Variants in HSPB8 observed in about 807,000 individuals in gnomAD.
HSPB8 encodes heat shock protein family B (small) member 8.
In HSPB8, 9 loss-of-function variants were observed where a neutral mutation model predicts 16.5. The observed-to-expected ratio is 0.55, with a 90% CI of 0.33 to 0.95. The LOEUF is 0.95. Ranked by LOEUF, HSPB8 falls within the 40% of genes least tolerant of loss-of-function variation. The probability of loss-of-function intolerance (pLI) is 0.03; values close to 1 mark genes in which losing one functional copy is unlikely to be tolerated. For missense variants in HSPB8, 238 were observed against 251.2 expected (o/e 0.95, Z 0.35); for synonymous variants, 99 against 94.8 (o/e 1.04, Z -0.26).
chr12:119,179,548 T>G lies in HSPB8; in HGVS notation c.236T>G (p.Phe79Cys), dbSNP rs1592927481. ...VPRGPTATAR[F>C]GVPAEGRTPP... ...CGGGGCCCCACTGCCACCGCCAGGT[T>G]TGGGGTGCCTGCCGAGGGCAGGACC... The change falls in exon 1 of 3, where the codon TTT becomes TGT. Residue 79 changes from phenylalanine (F) to cysteine (C), a missense_variant. Transcript: ENST00000281938. 1 of 1,613,590 alleles carries G rather than the reference T, an allele frequency of 6.2e-7. No individual in the cohort carries two copies. The highest frequency in any genetic ancestry group is 2.2e-5 in the East Asian group (1 of 44,860).
chr12:119,187,636 G>A (rs930166550), intron 2 of HSPB8, among the ~76,000 whole-genome samples: 30 of 152,212 alleles, frequency 2.0e-4, no homozygotes, highest in African/African-American at 7.2e-4. Flanking sequence ...GGGATTAGAG[G>A]CTTGAGCCAC....
intron 2 of HSPB8, among the ~76,000 whole-genome samples, chr12:119,188,643 T>C (rs1283254463): frequency 6.6e-6 from 1 of 152,154 alleles, no homozygotes; most frequent in Non-Finnish European, 1.5e-5. Flanking sequence ...ACAGGGAAAC[T>C]AAGTCTCCCA....
At chr12:119,193,623 T>A in intron 2 of HSPB8, 76 bp from the exon 3 acceptor site, 1 of 1,510,528 alleles carries the variant, frequency 6.6e-7, no homozygotes, top group Non-Finnish European at 9.2e-7. Context: ...TCAAAAATAT[T>A]TCCTCTCAAG....
At position 119,194,274 on chromosome 12, in the gene HSPB8, C is replaced by T; in HGVS notation, c.*416C>T. The T allele has an allele frequency of 3.5e-6, 1 of 283,674 alleles. No homozygotes were observed. The highest frequency in any genetic ancestry group is 3.8e-5 in the South Asian group (1 of 26,234). 17.6% of individuals were successfully genotyped at this position (283,674 alleles called of 1,614,324 possible). A position where few individuals can be genotyped will look rare whatever the true frequency, so the allele number is the denominator to read the frequency against. The stretch of plus-strand genomic sequence containing the variant: ...CGATTCCCATGGCTCCCAAACCATG[C>T]CGCATGGTTTGGTTAATGAAACCCA... On this transcript the variant is annotated 3_prime_UTR_variant, in exon 3 of 3. Transcript: ENST00000281938.
intron 1 of HSPB8, 109 bp from the exon 2 acceptor site, chr12:119,186,916 A>C: frequency 7.9e-6 from 8 of 1,009,394 alleles, no homozygotes; most frequent in Non-Finnish European, 1.3e-5. Flanking sequence ...GGGTAGGCCT[A>C]AGTCACACAG....
intron 1 of HSPB8, among the ~76,000 whole-genome samples, chr12:119,180,198 A>C (rs1954628048): frequency 6.6e-6 from 1 of 152,194 alleles, no homozygotes; most frequent in African/African-American, 2.4e-5. Context: ...TCTGAGTGCT[A>C]ACTATTCGCT....
intron 1 of HSPB8, among the ~76,000 whole-genome samples, chr12:119,184,868 A>G (rs548233549): frequency 6.6e-6 from 1 of 152,322 alleles, no homozygotes; most frequent in East Asian, 1.9e-4. Flanking sequence ...GTATTCCTCA[A>G]TAGAACACTG....
chr12:119,179,694 G>A lies in HSPB8; in HGVS notation c.367+15G>A, dbSNP rs1954624775. 1.3e-6 allele frequency: 2 copies of A among 1,560,838 alleles called. No homozygotes were observed. The highest frequency in any genetic ancestry group is 1.7e-6 in the Non-Finnish European group (2 of 1,157,730). ...GGAGGTGTCTGGTAAGTCAGGGGCA[G>A]GAGGGAGAGAGAATGGGGAGGCCGG... On this transcript the variant is annotated intron_variant, in intron 1 of 2. Coordinates refer to ENST00000281938, the MANE Select transcript of HSPB8 (RefSeq NM_014365.3).
At chr12:119,189,305 GTGT>G (rs1592931463) in intron 2 of HSPB8, among the ~76,000 whole-genome samples, 2 of 69,602 alleles carry the variant, frequency 2.9e-5, no homozygotes, top group Admixed American at 1.2e-4. Flanking sequence ...TAAAAGGGGT[GTGT>G]GTGTGTGTGT....
chr12:119,179,112 G>T lies in HSPB8; in HGVS notation c.-201G>T, dbSNP rs764259720. 383 of 654,686 alleles carry T rather than the reference G, an allele frequency of 5.9e-4. No individual in the cohort carries two copies. In the Middle Eastern group the frequency reaches 7.3e-3, roughly 13 times the overall value. 40.6% of individuals were successfully genotyped at this position (654,686 alleles called of 1,614,324 possible). On this transcript the variant is annotated 5_prime_UTR_variant, in exon 1 of 3. Transcript: ENST00000281938. ...GGGATTCTGCTGGATCTGCCCCGGG[G>T]GTTACCTTTGGGGGCTGGGACCCCA...
chr12:119,193,886 T>C lies in HSPB8; in HGVS notation c.*28T>C, dbSNP rs1379695892. 1 of 1,612,578 alleles carries C rather than the reference T, an allele frequency of 6.2e-7. No individual in the cohort carries two copies. The highest frequency in any genetic ancestry group is 8.5e-7 in the Non-Finnish European group (1 of 1,178,826). On this transcript the variant is annotated 3_prime_UTR_variant, in exon 3 of 3. Transcript: ENST00000281938. Reference sequence around the variant, plus strand: ...TGCCAGTACTGGCCCATCCTTGTTTTGTCCCCAACCCTAGGGCTTCTCTGA... The same window carrying C: ...TGCCAGTACTGGCCCATCCTTGTTTCGTCCCCAACCCTAGGGCTTCTCTGA...
At chr12:119,187,480 G>T (rs1954684375) in intron 2 of HSPB8, among the ~76,000 whole-genome samples, 1 of 152,054 alleles carries the variant, frequency 6.6e-6, no homozygotes. Flanking sequence ...TCAGCCTCCT[G>T]AGTAGTTGGG....
At position 119,179,033 on chromosome 12, in the gene HSPB8, G is replaced by C. The variant is rs982621631; in HGVS notation, c.-280G>C. The C allele has an allele frequency of 1.5e-5, 8 of 526,142 alleles. No homozygotes were observed. In the African/African-American group the frequency reaches 1.5e-4, roughly 10 times the overall value. The allele number at this position is 526,142 out of a possible 1,614,324, so 32.6% of individuals were successfully genotyped here. On this transcript the variant is annotated 5_prime_UTR_variant, in exon 1 of 3. Transcript: ENST00000281938. ...CCAGCCTGGGCAGCCTGGGAAGCCT[G>C]GGAGGACGGTGGCTTGCCGGTCTGT... is the stretch of plus-strand genomic sequence containing the variant.
chr12:119,179,223 C>A lies in HSPB8; in HGVS notation c.-90C>A. ...GCATTTTCGGAAGCTGAAGAATAAG[C>A]TAGCCCAGCCACACCACCTTGTTGT... On this transcript the variant is annotated 5_prime_UTR_variant, in exon 1 of 3. Coordinates refer to ENST00000281938, the MANE Select transcript of HSPB8 (RefSeq NM_014365.3). 1.5e-6 allele frequency: 2 copies of A among 1,375,084 alleles called. No homozygotes were observed. The highest frequency in any genetic ancestry group is 2.1e-6 in the Non-Finnish European group (2 of 973,596). The allele number at this position is 1,375,084 out of a possible 1,614,324, so 85.2% of individuals were successfully genotyped here. A position where few individuals can be genotyped will look rare whatever the true frequency, so the allele number is the denominator to read the frequency against.
intron 1 of HSPB8, among the ~76,000 whole-genome samples, chr12:119,185,426 C>T (rs1214932651): frequency 2.0e-5 from 3 of 152,014 alleles, no homozygotes; most frequent in Non-Finnish European, 4.4e-5. Flanking sequence ...CTCTGCCTCC[C>T]GGGTTCAAGC....
intron 1 of HSPB8, among the ~76,000 whole-genome samples, chr12:119,184,502 G>A (rs68067444): frequency 0.095 from 14,488 of 152,232 alleles, 918 homozygotes; most frequent in East Asian, 0.22. Flanking sequence ...GGGTACCAAA[G>A]AACAGACAGT....
intron 1 of HSPB8, among the ~76,000 whole-genome samples, chr12:119,184,914 G>A (rs1453077396): frequency 6.6e-6 from 1 of 152,112 alleles, no homozygotes; most frequent in Non-Finnish European, 1.5e-5. Context: ...AGAATATTTG[G>A]TAATATGGAA....
intron 2 of HSPB8, 143 bp downstream of exon 2, chr12:119,187,231 C>A (rs184467655): frequency 2.8e-6 from 2 of 711,910 alleles, no homozygotes; most frequent in Non-Finnish European, 5.0e-6. Context: ...TCACACCTAA[C>A]GAGGAGAAAA....
Position 119,179,381 on chromosome 12 carries a change from C to T in HSPB8, c.69C>T (p.Asp23=). 6.2e-7 allele frequency: 1 copy of T among 1,614,140 alleles called. No homozygotes were observed. The highest frequency in any genetic ancestry group is 1.7e-5 in the Admixed American group (1 of 60,034). The change falls in exon 1 of 3, where the codon GAC becomes GAT. Residue 23 remains aspartate, a synonymous_variant. Transcript: ENST00000281938. The part of the protein sequence containing the change: ...PSRLRRDPFR[D]SPLSSRLLDD... ...GCCTGCGCCGAGACCCCTTCCGGGA[C>T]TCTCCCCTCTCCTCTCGCCTGCTGG...
Sources: gnomAD v4.1 joint callset for allele counts (sites outside exome capture counted in the v4.1 genomes callset) on GRCh38, gnomAD v4.1.1 for gene constraint, MANE v1.5 for transcripts, NCBI Gene and HGNC (gene_info 2026-07-23, HGNC 2026-07-21) for gene names.